Variants in PAX5 observed in about 807,000 individuals in gnomAD.
PAX5 encodes the protein paired box protein Pax-5.
Under a neutral mutation model 43.7 loss-of-function variants are expected in PAX5, and 9 were observed. That is an observed-to-expected ratio of 0.21 (90% confidence interval 0.12 to 0.36). The LOEUF is 0.36. Among genes scored for constraint, PAX5 ranks in the 10% least tolerant of loss-of-function variants. PAX5 has a pLI of 1.00. For synonymous variants in PAX5, 228 were observed against 214.3 expected, an observed-to-expected ratio of 1.06 and a Z score of -0.56; for missense variants, 383 against 532.7, an observed-to-expected ratio of 0.72 and a Z score of 2.77.
At chr9:36,891,990 G>A (rs1237809842) in intron 7 of PAX5, among the ~76,000 whole-genome samples, 2 of 152,166 alleles carry the variant, frequency 1.3e-5, no homozygotes, top group Non-Finnish European at 1.5e-5. Flanking sequence ...TTTTGGAAGC[G>A]TGTTTGAATT....
chr9:37,032,108 G>T (rs1045015944), intron 1 of PAX5, among the ~76,000 whole-genome samples: 1 of 152,184 alleles, frequency 6.6e-6, no homozygotes, highest in African/African-American at 2.4e-5. Context: ...AGGAGGGGGC[G>T]TGGCTCTCTA....
chr9:36,984,448 T>TTTTTTC (rs1554677562), intron 5 of PAX5, among the ~76,000 whole-genome samples: 63 of 132,056 alleles, frequency 4.8e-4, no homozygotes, highest in African/African-American at 1.8e-3. Flanking sequence ...TTTTTTTTTT[T>TTTTTTC]TTTTTTTTTG....
At chr9:36,887,534 T>C (rs1239283499) in intron 7 of PAX5, among the ~76,000 whole-genome samples, 1 of 152,172 alleles carries the variant, frequency 6.6e-6, no homozygotes, top group African/African-American at 2.4e-5. Flanking sequence ...AATAAAACTC[T>C]ACAAGTACTA....
chr9:36,964,781 T>C (rs538976164), intron 6 of PAX5, among the ~76,000 whole-genome samples: 1 of 151,866 alleles, frequency 6.6e-6, no homozygotes, highest in East Asian at 1.9e-4. Flanking sequence ...AGAAACAGAC[T>C]CTCCTCCCTG....
chr9:36,844,846 C>A (rs1822413269), intron 9 of PAX5, among the ~76,000 whole-genome samples: 1 of 152,192 alleles, frequency 6.6e-6, no homozygotes, highest in South Asian at 2.1e-4. Context: ...CCACTCTGCA[C>A]ACTCCACAGA....
chr9:36,910,216 G>A (rs1438822304), intron 7 of PAX5, among the ~76,000 whole-genome samples: 2 of 152,218 alleles, frequency 1.3e-5, no homozygotes, highest in African/African-American at 2.4e-5. Flanking sequence ...ACATGGTTAA[G>A]TCCTGAGTAC....
At chr9:36,858,048 C>A (rs937613714) in intron 8 of PAX5, among the ~76,000 whole-genome samples, 1 of 152,236 alleles carries the variant, frequency 6.6e-6, no homozygotes, top group Non-Finnish European at 1.5e-5. Flanking sequence ...AGCCACTTAG[C>A]TGGGCAGCCT....
intron 5 of PAX5, among the ~76,000 whole-genome samples, chr9:36,984,526 C>T (rs1200477431): frequency 7.0e-6 from 1 of 143,492 alleles, no homozygotes; most frequent in Non-Finnish European, 1.5e-5. Flanking sequence ...CTGCAACCTC[C>T]ACCTCCCAGG....
intron 6 of PAX5, among the ~76,000 whole-genome samples, chr9:36,950,801 T>A (rs937990075): frequency 1.4e-5 from 2 of 147,264 alleles, no homozygotes; most frequent in Non-Finnish European, 3.0e-5. Flanking sequence ...AGCGCAATGC[T>A]GCAATCTTGG....
chr9:37,009,494 C>T (rs569985643), intron 3 of PAX5, among the ~76,000 whole-genome samples: 14 of 152,156 alleles, frequency 9.2e-5, no homozygotes, highest in South Asian at 2.1e-4. Context: ...GACTAGCTTC[C>T]GTCTTAAAAT....
intron 1 of PAX5, among the ~76,000 whole-genome samples, chr9:37,021,324 A>T (rs1247756892): frequency 1.3e-5 from 2 of 152,202 alleles, no homozygotes; most frequent in Non-Finnish European, 2.9e-5. Context: ...GGAATTTTTT[A>T]AAAATTTAAC....
At chr9:36,908,167 C>G (rs2131888909) in intron 7 of PAX5, among the ~76,000 whole-genome samples, 1 of 151,038 alleles carries the variant, frequency 6.6e-6, no homozygotes, top group East Asian at 1.9e-4. Flanking sequence ...CCGCTGCACT[C>G]CAGCCTGGGC....
intron 1 of PAX5, among the ~76,000 whole-genome samples, chr9:37,025,820 T>C: frequency 6.6e-6 from 1 of 152,298 alleles, no homozygotes; most frequent in East Asian, 1.9e-4. Context: ...TGGCTTCCTC[T>C]TTCTTTCTTT....
intron 5 of PAX5, 105 bp downstream of exon 5, chr9:37,002,543 G>T: frequency 7.9e-7 from 1 of 1,265,456 alleles, no homozygotes; most frequent in Non-Finnish European, 1.1e-6. Flanking sequence ...CTCCTCTGCA[G>T]GTAAGGGGGG....
Position 36,898,745 on chromosome 9 carries a change from C to T in PAX5, c.911-16640G>A, listed in dbSNP as rs999405600. On this transcript the variant is annotated intron_variant, in intron 7 of 9. Transcript: ENST00000358127. Reference sequence around the variant, plus strand: ...CTTGATTGCAGCTCCCGGCTCTCCTCGCCACATGAGGGGGCATAATGAGGG... The same window carrying T: ...CTTGATTGCAGCTCCCGGCTCTCCTTGCCACATGAGGGGGCATAATGAGGG... Among the ~76,000 whole-genome samples the T allele has an allele frequency of 8.5e-5, 13 of 152,292 alleles. No individual in the cohort carries two copies. The East Asian group carries it at 2.1e-3, about 25-fold the overall frequency.
Position 36,979,677 on chromosome 9 carries a change from G to A in PAX5, c.605-12953C>T, listed in dbSNP as rs542725396. ...GTCACACAGCAGAGTTATCAGGCCAGGTGAGACTGAGAGCCCTGGTGTCTC... is the reference window on the plus strand; with the variant it reads ...GTCACACAGCAGAGTTATCAGGCCAAGTGAGACTGAGAGCCCTGGTGTCTC... On this transcript the variant is annotated intron_variant, in intron 5 of 9. Transcript: ENST00000358127. Among the ~76,000 whole-genome samples, 203 of 152,320 alleles carry A rather than the reference G, an allele frequency of 1.3e-3. 2 individuals carry two copies. The highest frequency in any genetic ancestry group is 4.6e-3 in the African/African-American group (193 of 41,568).
At chr9:36,889,805 A>T (rs1258838836) in intron 7 of PAX5, among the ~76,000 whole-genome samples, 1 of 152,182 alleles carries the variant, frequency 6.6e-6, no homozygotes, top group Admixed American at 6.5e-5. Context: ...TCTTCGCATC[A>T]GCGTCTCAGA....
intron 6 of PAX5, among the ~76,000 whole-genome samples, chr9:36,957,238 C>T (rs941799104): frequency 1.3e-5 from 2 of 152,228 alleles, no homozygotes; most frequent in Non-Finnish European, 2.9e-5. Flanking sequence ...TCTTCCCCTC[C>T]TGCAACTGGG....
At chr9:37,022,169 A>C (rs373204577) in intron 1 of PAX5, among the ~76,000 whole-genome samples, 9 of 152,370 alleles carry the variant, frequency 5.9e-5, no homozygotes, top group African/African-American at 2.2e-4. Flanking sequence ...GGCTTATTTC[A>C]AGGAAAAACA....
Sources: gnomAD v4.1 joint callset for allele counts (sites outside exome capture counted in the v4.1 genomes callset) on GRCh38, gnomAD v4.1.1 for gene constraint, MANE v1.5 for transcripts, NCBI Gene and HGNC (gene_info 2026-07-23, HGNC 2026-07-21) for gene names.